DPP10: variants seen among roughly 807,000 people sequenced by gnomAD.
DPP10 encodes dipeptidyl peptidase like 10, also known as inactive dipeptidyl peptidase 10.
Under a neutral mutation model 120.9 loss-of-function variants are expected in DPP10, and 33 were observed. The ratio of observed to expected loss-of-function variants is 0.27; its 90% CI spans 0.21 to 0.37. The LOEUF (loss-of-function observed/expected upper bound fraction) is 0.37. DPP10 is among the 10% of genes least tolerant of loss of function. DPP10 has a pLI of 1.00. For synonymous variants in DPP10, 337 were observed against 326.1 expected (o/e 1.03, Z -0.36); for missense variants, 816 against 942.8 (o/e 0.87, Z 1.76).
At chr2:114,588,138 G>T (rs1260462968) in intron 1 of DPP10, among the ~76,000 whole-genome samples, 2 of 152,100 alleles carry the variant, frequency 1.3e-5, no homozygotes, top group Non-Finnish European at 2.9e-5. Context: ...AAATAAAAAA[G>T]CCCTAGATTC....
chr2:114,994,554 C>T (rs2104950613), intron 1 of DPP10, among the ~76,000 whole-genome samples: 1 of 152,316 alleles, frequency 6.6e-6, no homozygotes, highest in South Asian at 2.1e-4. Context: ...ACCATGACTG[C>T]AGGCCCTCCA....
intron 3 of DPP10, among the ~76,000 whole-genome samples, chr2:115,458,515 TGA>T (rs2073762280): frequency 6.6e-6 from 1 of 152,140 alleles, no homozygotes; most frequent in Non-Finnish European, 1.5e-5. Flanking sequence ...ATTCCTATTT[TGA>T]CTCTCGAAAA....
chr2:114,676,907 C>T (rs1156825589), intron 1 of DPP10, among the ~76,000 whole-genome samples: 1 of 151,960 alleles, frequency 6.6e-6, no homozygotes, highest in African/African-American at 2.4e-5. Flanking sequence ...TTATTAAGGG[C>T]CTTTTATGGA....
intron 1 of DPP10, among the ~76,000 whole-genome samples, chr2:114,886,375 A>G (rs1439492804): frequency 6.6e-6 from 1 of 152,196 alleles, no homozygotes; most frequent in Non-Finnish European, 1.5e-5. Flanking sequence ...TCTGTTAGAT[A>G]CTTTATCATA....
intron 1 of DPP10, among the ~76,000 whole-genome samples, chr2:115,261,788 A>G (rs1487611480): frequency 1.3e-5 from 2 of 152,172 alleles, no homozygotes; most frequent in Admixed American, 1.3e-4. Context: ...CCATATTAAC[A>G]TGCCTTTTGC....
At chr2:114,943,812 A>G (rs1022096998) in intron 1 of DPP10, among the ~76,000 whole-genome samples, 1 of 152,224 alleles carries the variant, frequency 6.6e-6, no homozygotes, top group African/African-American at 2.4e-5. Context: ...GAAAACCATC[A>G]TTAAGATGTT....
intron 1 of DPP10, among the ~76,000 whole-genome samples, chr2:114,981,747 G>A (rs753489437): frequency 2.0e-5 from 3 of 150,666 alleles, no homozygotes; most frequent in Non-Finnish European, 4.4e-5. Context: ...TGCCCAGCTA[G>A]TTATTTTTGT....
At chr2:115,548,545 T>C (rs2079658193) in intron 5 of DPP10, among the ~76,000 whole-genome samples, 1 of 152,122 alleles carries the variant, frequency 6.6e-6, no homozygotes, top group Non-Finnish European at 1.5e-5. Flanking sequence ...GGAGCTTGTA[T>C]AATAGGCTTT....
rs148793175 is a variant in DPP10, at chr2:115,468,602, G to T, written c.272-30908G>T. 3.4e-3 allele frequency: 1,319 copies of T among 388,572 alleles called. 6 individuals are homozygous for T. Among genetic ancestry groups the T allele is most frequent in the African/African-American group, 0.024 (1,172 of 48,100 alleles). 24.1% of individuals were successfully genotyped at this position (388,572 alleles called of 1,614,324 possible). A position where few individuals can be genotyped will look rare whatever the true frequency, so the allele number is the denominator to read the frequency against. On this transcript the variant is annotated intron_variant, in intron 3 of 25. Transcript: ENST00000410059. The stretch of plus-strand genomic sequence containing the variant: ...TGGTGGCCCGGGGAGTTCTGCACTT[G>T]TGTGGCACCATCTCCCATGAACATC...
At chr2:115,508,627 G>A (rs1341926659) in intron 4 of DPP10, among the ~76,000 whole-genome samples, 1 of 152,052 alleles carries the variant, frequency 6.6e-6, no homozygotes, top group Non-Finnish European at 1.5e-5. Context: ...AAGATGAGCC[G>A]GGCTCAATGG....
intron 4 of DPP10, among the ~76,000 whole-genome samples, chr2:115,513,777 G>A (rs1335391569): frequency 6.6e-6 from 1 of 151,932 alleles, no homozygotes; most frequent in Non-Finnish European, 1.5e-5. Context: ...TCTAAAACAA[G>A]TAGGATAAGA....
At chr2:115,557,961 T>C (rs2080321438) in intron 5 of DPP10, among the ~76,000 whole-genome samples, 1 of 152,226 alleles carries the variant, frequency 6.6e-6, no homozygotes, top group Non-Finnish European at 1.5e-5. Context: ...TGGACTTACA[T>C]GTTAAAGGTG....
intron 4 of DPP10, among the ~76,000 whole-genome samples, chr2:115,511,690 C>CT (rs1436040072): frequency 6.8e-6 from 1 of 146,142 alleles, no homozygotes; most frequent in Non-Finnish European, 1.5e-5. Context: ...TCTTCTTGCC[C>CT]TTTTTTCTTC....
intron 1 of DPP10, among the ~76,000 whole-genome samples, chr2:114,743,610 G>C (rs960448248): frequency 3.3e-5 from 5 of 152,136 alleles, no homozygotes; most frequent in Non-Finnish European, 5.9e-5. Flanking sequence ...TAGCCTCTCT[G>C]TTGATTTTGA....
intron 1 of DPP10, among the ~76,000 whole-genome samples, chr2:114,927,565 C>T (rs1270534969): frequency 1.3e-5 from 2 of 152,032 alleles, no homozygotes; most frequent in Non-Finnish European, 2.9e-5. Flanking sequence ...ATAAGTCTTT[C>T]CAAAGAGGGC....
intron 1 of DPP10, among the ~76,000 whole-genome samples, chr2:114,796,720 A>G (rs1683749990): frequency 6.6e-6 from 1 of 152,134 alleles, no homozygotes; most frequent in Non-Finnish European, 1.5e-5. Flanking sequence ...CCTTTTAGGA[A>G]AGTTGTGTTG....
intron 5 of DPP10, among the ~76,000 whole-genome samples, chr2:115,636,039 A>G (rs2086297531): frequency 6.6e-6 from 1 of 151,964 alleles, no homozygotes; most frequent in South Asian, 2.1e-4. Flanking sequence ...GGCATTACTG[A>G]TGGTGTAAAG....
chr2:115,391,960 A>T (rs2067346726), intron 3 of DPP10, among the ~76,000 whole-genome samples: 1 of 152,036 alleles, frequency 6.6e-6, no homozygotes, highest in South Asian at 2.1e-4. Context: ...TTCTAAGGAG[A>T]TATACTATTG....
chr2:115,298,367 A>G (rs1208393630), intron 1 of DPP10, among the ~76,000 whole-genome samples: 2 of 152,072 alleles, frequency 1.3e-5, no homozygotes, highest in Non-Finnish European at 2.9e-5. Flanking sequence ...ATGCAGGTGT[A>G]CTGATTCCGA....
Sources: allele counts gnomAD v4.1 joint callset (sites outside exome capture counted in the v4.1 genomes callset), GRCh38; gene constraint gnomAD v4.1.1; transcripts MANE v1.5; gene names NCBI Gene and HGNC (gene_info 2026-07-23, HGNC 2026-07-21).